Variants in KCTD19 observed in about 807,000 individuals in gnomAD.
KCTD19 encodes BTB/POZ domain-containing protein KCTD19.
In KCTD19, 67 loss-of-function variants were observed where a neutral mutation model predicts 103.5. The observed-to-expected ratio is 0.65, with a 90% CI of 0.53 to 0.79. The LOEUF is 0.79. Among genes scored for constraint, KCTD19 ranks in the 30% least tolerant of loss-of-function variants. The pLI, the probability that KCTD19 is intolerant of heterozygous loss-of-function variation, is 0.00. For missense variants in KCTD19, 980 were observed against 1,136.1 expected, an observed-to-expected ratio of 0.86 and a Z score of 1.98; for synonymous variants, 439 against 452.2, an observed-to-expected ratio of 0.97 and a Z score of 0.37.
intron 10 of KCTD19, 81 bp downstream of exon 10, chr16:67,294,892 G>C (rs1331905805): frequency 8.4e-7 from 1 of 1,190,684 alleles, no homozygotes; most frequent in Non-Finnish European, 1.2e-6. Context: ...GGATCCTCTA[G>C]GAGTAGGACT....
chr16:67,321,518 A>G (rs929865532), intron 1 of KCTD19: 5 of 152,362 alleles, frequency 3.3e-5, no homozygotes, highest in East Asian at 1.9e-4. Flanking sequence ...ATTCAACACA[A>G]TCTCTGTGAA....
chr16:67,291,096 G>A (rs1470223119), intron 14 of KCTD19, 110 bp from the exon 15 acceptor site: 37 of 1,257,880 alleles, frequency 2.9e-5, no homozygotes, highest in African/African-American at 7.5e-5. Context: ...GGTAGGGGGC[G>A]GGCACTGTCA....
chr16:67,296,568 G>A (rs777545409), intron 7 of KCTD19, among the ~76,000 whole-genome samples: 1 of 152,152 alleles, frequency 6.6e-6, no homozygotes, highest in Non-Finnish European at 1.5e-5. Flanking sequence ...TGTGTCCTGA[G>A]TGTGTAGCTT....
At chr16:67,298,423 A>G (rs2036793157) in intron 6 of KCTD19, among the ~76,000 whole-genome samples, 1 of 152,150 alleles carries the variant, frequency 6.6e-6, no homozygotes, top group African/African-American at 2.4e-5. Flanking sequence ...TCATGTCTCC[A>G]GGCCGTGTTT....
At chr16:67,305,376 T>C (rs1220184337) in intron 2 of KCTD19, 5 of 246,302 alleles carry the variant, frequency 2.0e-5, no homozygotes, top group Non-Finnish European at 3.3e-5. Context: ...TCATTTACCA[T>C]GACATGATTC....
intron 2 of KCTD19, among the ~76,000 whole-genome samples, chr16:67,315,610 T>C (rs920683672): frequency 6.6e-6 from 1 of 152,176 alleles, no homozygotes; most frequent in Non-Finnish European, 1.5e-5. Context: ...GCCTCCCAAG[T>C]AGCTGGGATT....
rs758048004 is a variant in KCTD19 at position 67,289,558 on chromosome 16, C to T, written c.*11G>A. The stretch of plus-strand genomic sequence containing the variant: ...GCGGGTGGGGCATGAGGGGCTGCAT[C>T]TCTGGGCACCCTAGTCCTCTTGTAG... On this transcript the variant is annotated 3_prime_UTR_variant, in exon 16 of 16. Transcript: ENST00000304372. 1 of 1,573,030 alleles carries T rather than the reference C, an allele frequency of 6.4e-7. No homozygotes were observed.
chr16:67,326,679 C>G (rs1459345053), intron 1 of KCTD19, 26 bp downstream of exon 1: 9 of 1,578,124 alleles, frequency 5.7e-6, no homozygotes, highest in Non-Finnish European at 7.7e-6. Context: ...GTGCTTTTGG[C>G]GCCCCCGCCA....
intron 2 of KCTD19, among the ~76,000 whole-genome samples, chr16:67,316,561 CA>C (rs1418322196): frequency 6.6e-6 from 1 of 151,822 alleles, no homozygotes; most frequent in African/African-American, 2.4e-5. Flanking sequence ...ATTGAATAAA[CA>C]AAAACTACAA....
Position 67,293,817 on chromosome 16 carries a change from GT to G in KCTD19, c.1944del (p.Lys648AsnfsTer8). ...LVREWDMVNC[K>X]QWEFQPLTAT... ...GCTGTCAGTGGCTGGAATTCCCACTGTTTGCAATTGACCATGTCCCATTCTC... is the reference window on the plus strand; with the variant it reads ...GCTGTCAGTGGCTGGAATTCCCACTGTTGCAATTGACCATGTCCCATTCTC... On this transcript the variant is annotated frameshift_variant, in exon 12 of 16. Transcript: ENST00000304372. LOFTEE classifies it high-confidence loss of function. This position sits in a 1 kb window ranked among gnomAD's most constrained non-coding sequence, Gnocchi z 4.0. 6.2e-7 allele frequency: 1 copy of G among 1,613,764 alleles called. No homozygotes were observed. Among genetic ancestry groups the G allele is most frequent in the East Asian group, 2.2e-5 (1 of 44,856 alleles).
intron 7 of KCTD19, among the ~76,000 whole-genome samples, chr16:67,297,046 T>G (rs549118271): frequency 2.0e-5 from 3 of 152,364 alleles, no homozygotes; most frequent in African/African-American, 7.2e-5. Context: ...TAATAAGAAG[T>G]TATAGGCAGC....
At chr16:67,306,575 T>C (rs1317245513) in intron 2 of KCTD19, among the ~76,000 whole-genome samples, 1 of 152,098 alleles carries the variant, frequency 6.6e-6, no homozygotes, top group Non-Finnish European at 1.5e-5. Flanking sequence ...CTCCATTTTC[T>C]CTCCTTTCCT....
At chr16:67,317,509 C>T (rs1013872504) in intron 2 of KCTD19, among the ~76,000 whole-genome samples, 57 of 151,448 alleles carry the variant, frequency 3.8e-4, no homozygotes, top group African/African-American at 1.3e-3. Context: ...AGAAATGTGA[C>T]AGTCTGAATC....
intron 2 of KCTD19, among the ~76,000 whole-genome samples, chr16:67,310,296 T>C (rs2036936371): frequency 6.6e-6 from 1 of 152,190 alleles, no homozygotes; most frequent in African/African-American, 2.4e-5. Flanking sequence ...AAACAAGGCC[T>C]GTGGGGTCTC....
rs565661716 is a variant in KCTD19 at position 67,295,270 on chromosome 16, C to T, written c.1384G>A (p.Glu462Lys). Residue 462 changes from glutamate to lysine, a missense_variant, in exon 9 of 16, where the codon GAA becomes AAA. Physicochemically the swap from Glu to Lys is moderately conservative, Grantham distance 56. Transcript: ENST00000304372. ...LRLGKLFLPSEFKEWPLFCQE... is the reference protein window; with the variant it reads ...LRLGKLFLPSKFKEWPLFCQE... ...CGTCCTTGCTTCACTTACTTAAATT[C>T]AGATGGTAAAAACAGTTTGCCAAGT... is the stretch of plus-strand genomic sequence containing the variant. 1 of 1,614,040 alleles carries T rather than the reference C, an allele frequency of 6.2e-7. No homozygotes were observed. Among genetic ancestry groups the T allele is most frequent in the African/African-American group, 1.3e-5 (1 of 75,050 alleles).
rs769216696 is a variant in KCTD19 at position 67,294,695 on chromosome 16, C to G, written c.1476-1G>C. On this transcript the variant is annotated splice_acceptor_variant, in intron 10 of 15. Coordinates refer to ENST00000304372, the MANE Select transcript of KCTD19 (RefSeq NM_001100915.3). LOFTEE classifies it high-confidence loss of function. ...AGATTCTTTCTCCTGAGTCCATGAC[C>G]TGCAGAAACCAAGAGGGGTTGGTTA... The G allele has an allele frequency of 5.6e-6, 9 of 1,608,442 alleles. No individual in the cohort carries two copies. The highest frequency in any genetic ancestry group is 1.3e-5 in the African/African-American group (1 of 74,818).
At chr16:67,298,815 T>C (rs1354360810) in intron 6 of KCTD19, among the ~76,000 whole-genome samples, 2 of 152,206 alleles carry the variant, frequency 1.3e-5, no homozygotes, top group African/African-American at 2.4e-5. Context: ...AGTTTGCCCA[T>C]CTACAAAACA....
At position 67,293,530 on chromosome 16, in the gene KCTD19, G is replaced by C. The variant is rs776776963; in HGVS notation, c.2218+14C>G. 1 of 1,608,572 alleles carries C rather than the reference G, an allele frequency of 6.2e-7. No individual in the cohort carries two copies. Among genetic ancestry groups the C allele is most frequent in the Non-Finnish European group, 8.5e-7 (1 of 1,176,732 alleles). On this transcript the variant is annotated intron_variant, in intron 12 of 15. Transcript: ENST00000304372. This position sits in a 1 kb window ranked among gnomAD's most constrained non-coding sequence, Gnocchi z 4.0. ...TTGTGAATAAGACTTAGATCAAAGG[G>C]GGACAGGACTCACCTCTCTCCTTGG...
chr16:67,296,177 G>T lies in KCTD19; in HGVS notation c.1230C>A (p.Thr410=). Reference sequence around the variant, plus strand: ...TCAGTACCTTCAGCAGTGTCTGCAGGGTGGTTGCGTACCAGTGGCTTCCAA... The same window carrying T: ...TCAGTACCTTCAGCAGTGTCTGCAGTGTGGTTGCGTACCAGTGGCTTCCAA... The part of the protein sequence containing the change: ...VYVGSHWYAT[T]LQTLLKYPEL... Residue 410 remains threonine, a synonymous_variant, in exon 8 of 16, where the codon ACC becomes ACA. Transcript: ENST00000304372. 1 of 1,610,058 alleles carries T rather than the reference G, an allele frequency of 6.2e-7. No homozygotes were observed. Among genetic ancestry groups the T allele is most frequent in the Non-Finnish European group, 8.5e-7 (1 of 1,176,298 alleles).
Sources: allele counts gnomAD v4.1 joint callset (sites outside exome capture counted in the v4.1 genomes callset), GRCh38; gene constraint gnomAD v4.1.1; non-coding constraint Gnocchi (gnomAD v3.1); transcripts MANE v1.5; gene names NCBI Gene and HGNC (gene_info 2026-07-23, HGNC 2026-07-21).